Variants in TUT4 observed in about 807,000 individuals in gnomAD.
TUT4 encodes terminal uridylyl transferase 4.
In TUT4, 36 loss-of-function variants were observed where a neutral mutation model predicts 192.2. The ratio of observed to expected loss-of-function variants is 0.19; its 90% CI spans 0.14 to 0.25. The LOEUF is 0.25. Among genes scored for constraint, TUT4 ranks in the 10% least tolerant of loss-of-function variants. TUT4 has a pLI of 1.00. For synonymous variants in TUT4, 618 were observed against 666.0 expected (o/e 0.93, Z 1.11); for missense variants, 1,493 against 1,957.2 (o/e 0.76, Z 4.47).
chr1:52,529,614 A>C (rs1172119157), intron 1 of TUT4, among the ~76,000 whole-genome samples: 1 of 152,152 alleles, frequency 6.6e-6, no homozygotes, highest in Non-Finnish European at 1.5e-5. Flanking sequence ...AAGCCATAAA[A>C]CAACAAAGAT....
At position 52,461,675 on chromosome 1, in the gene TUT4, T is replaced by A. The variant is rs569660183; in HGVS notation, c.3127+37A>T. ...ATAATTTTCATATATGCTAAAAAAA[T>A]TTATTTTGTTTTACAGATAAGATTC... On this transcript the variant is annotated intron_variant, in intron 17 of 29. Coordinates refer to ENST00000257177, the MANE Select transcript of TUT4 (RefSeq NM_001009881.3). 29 of 1,540,442 alleles carry A rather than the reference T, an allele frequency of 1.9e-5. 1 individual carries two copies. The highest frequency in any genetic ancestry group is 1.4e-4 in the East Asian group (6 of 43,502).
At chr1:52,427,478 T>C (rs1396150756) in intron 28 of TUT4, among the ~76,000 whole-genome samples, 2 of 152,168 alleles carry the variant, frequency 1.3e-5, no homozygotes, top group African/African-American at 4.8e-5. Context: ...CTTCAAATTA[T>C]AAAAATGGAG....
At chr1:52,449,224 T>C (rs1658581201) in intron 20 of TUT4, among the ~76,000 whole-genome samples, 1 of 152,222 alleles carries the variant, frequency 6.6e-6, no homozygotes, top group Non-Finnish European at 1.5e-5. Context: ...TCAATCATAT[T>C]TATGTAAAGA....
At position 52,497,327 on chromosome 1, in the gene TUT4, G is replaced by A. The variant is rs912962863; in HGVS notation, c.1000-144C>T. ...TACCAGATACCTACAATACGGAAGT[G>A]AACAAAAGACTTCTGCCTTTGGGAA... On this transcript the variant is annotated intron_variant, in intron 4 of 29. Coordinates refer to ENST00000257177, the MANE Select transcript of TUT4 (RefSeq NM_001009881.3). 3 of 816,970 alleles carry A rather than the reference G, an allele frequency of 3.7e-6. No individual in the cohort carries two copies. In the African/African-American group the frequency reaches 5.3e-5, roughly 14 times the overall value. The allele number at this position is 816,970 out of a possible 1,614,324, so 50.6% of individuals were successfully genotyped here.
intron 1 of TUT4, among the ~76,000 whole-genome samples, chr1:52,548,221 C>T (rs1558038867): frequency 6.6e-6 from 1 of 152,098 alleles, no homozygotes; most frequent in African/African-American, 2.4e-5. Context: ...ATACTCAGCA[C>T]ATGACTAGCA....
chr1:52,512,591 T>A (rs922636434), intron 3 of TUT4, among the ~76,000 whole-genome samples: 2 of 152,188 alleles, frequency 1.3e-5, no homozygotes, highest in Non-Finnish European at 2.9e-5. Flanking sequence ...ACTGCTCTCA[T>A]CATCATAAAC....
intron 20 of TUT4, among the ~76,000 whole-genome samples, chr1:52,447,574 A>C (rs1657935792): frequency 6.6e-6 from 1 of 152,216 alleles, no homozygotes; most frequent in Admixed American, 6.5e-5. Flanking sequence ...AAGGAGAAGA[A>C]AAAAGGAGAA....
chr1:52,447,890 G>A (rs11205957), intron 20 of TUT4, among the ~76,000 whole-genome samples: 38,820 of 152,158 alleles, frequency 0.26, 6,194 homozygotes, highest in East Asian at 0.45. Context: ...ACCCTCTACC[G>A]TGACTAATGG....
Position 52,494,448 on chromosome 1 carries a change from T to C in TUT4, c.1267-786A>G, listed in dbSNP as rs185139186. ...GGCTCACACCTGTAATCCCAGCACA[T>C]TGGGAGGCCGAGGCAGGCGGATCAC... On this transcript the variant is annotated intron_variant, in intron 6 of 29. Transcript: ENST00000257177. 3.1e-3 allele frequency among the ~76,000 whole-genome samples: 479 copies of C among 152,262 alleles called. 2 individuals are homozygous for C. Among genetic ancestry groups the C allele is most frequent in the South Asian group, 8.3e-3 (40 of 4,824 alleles).
intron 1 of TUT4, among the ~76,000 whole-genome samples, chr1:52,531,929 C>T (rs1233190570): frequency 7.9e-6 from 1 of 125,894 alleles, no homozygotes; most frequent in Non-Finnish European, 1.6e-5. Flanking sequence ...CAGAATCCCA[C>T]TCTGCTGCCA....
At chr1:52,434,350 C>T (rs1415101075) in intron 27 of TUT4, 1 of 152,182 alleles carries the variant, frequency 6.6e-6, no homozygotes, top group Non-Finnish European at 1.5e-5. Context: ...TTCTCAGTTT[C>T]CCAATTTGTA....
chr1:52,462,009 A>AT (rs1662697354), intron 16 of TUT4: 1 of 332,606 alleles, frequency 3.0e-6, no homozygotes, highest in Non-Finnish European at 5.5e-6. Flanking sequence ...TTTTAACAGG[A>AT]TCCCAAGGTA....
intron 3 of TUT4, among the ~76,000 whole-genome samples, chr1:52,513,701 A>G (rs1421886728): frequency 6.6e-6 from 1 of 152,174 alleles, no homozygotes; most frequent in Non-Finnish European, 1.5e-5. Context: ...CCTTCTTTCA[A>G]TAACAACTGA....
At chr1:52,488,885 G>A in intron 9 of TUT4, 24 bp downstream of exon 9, 1 of 1,585,502 alleles carries the variant, frequency 6.3e-7, no homozygotes, top group African/African-American at 1.4e-5. Context: ...ATATAAATAA[G>A]TAGTTTTCCT....
At chr1:52,461,653 A>G (rs1662591381) in intron 17 of TUT4, 37 bp from the exon 18 acceptor site, 6 of 1,562,680 alleles carry the variant, frequency 3.8e-6, no homozygotes, top group South Asian at 1.2e-5. Flanking sequence ...AGGTTAAATA[A>G]TTTTCATATA....
intron 20 of TUT4, among the ~76,000 whole-genome samples, chr1:52,457,349 C>T (rs538960886): frequency 6.6e-6 from 1 of 152,024 alleles, no homozygotes; most frequent in Admixed American, 6.6e-5. Flanking sequence ...AATTCTCCTG[C>T]CTCAGTCTCC....
intron 28 of TUT4, 96 bp from the exon 29 acceptor site, chr1:52,425,603 T>C (rs1649612903): frequency 3.5e-5 from 48 of 1,373,780 alleles, no homozygotes; most frequent in Non-Finnish European, 4.4e-5. Context: ...GTACCTACCA[T>C]TGGCTAAGAA....
chr1:52,442,708 A>C (rs1656028000), intron 24 of TUT4, among the ~76,000 whole-genome samples: 1 of 152,214 alleles, frequency 6.6e-6, no homozygotes, highest in Non-Finnish European at 1.5e-5. Context: ...GACATAATGA[A>C]GATAACCTAA....
At chr1:52,461,902 A>G (rs1662664825) in intron 16 of TUT4, 133 bp from the exon 17 acceptor site, 7 of 576,538 alleles carry the variant, frequency 1.2e-5, no homozygotes, top group Admixed American at 6.7e-5. Context: ...TACTCCAAGT[A>G]AGTGATTCAT....
Sources: allele counts gnomAD v4.1 joint callset (sites outside exome capture counted in the v4.1 genomes callset), GRCh38; gene constraint gnomAD v4.1.1; transcripts MANE v1.5; gene names NCBI Gene and HGNC (gene_info 2026-07-23, HGNC 2026-07-21).